Variants in MLLT1 observed in about 807,000 individuals in gnomAD.
MLLT1 encodes the protein MLLT1 super elongation complex subunit, also known as protein ENL.
A neutral mutation model predicts 55.1 loss-of-function variants in MLLT1; 11 were observed. The observed-to-expected ratio is 0.20, with a 90% CI of 0.13 to 0.33. MLLT1 has a LOEUF of 0.33. Among genes scored for constraint, MLLT1 ranks in the 10% least tolerant of loss-of-function variants. The pLI, the probability that MLLT1 is intolerant of heterozygous loss-of-function variation, is 1.00. For synonymous variants in MLLT1, 323 were observed against 320.1 expected, an observed-to-expected ratio of 1.01 and a Z score of -0.10; for missense variants, 536 against 760.6, an observed-to-expected ratio of 0.70 and a Z score of 3.47.
At position 6,256,101 on chromosome 19, in the gene MLLT1, C is replaced by T. The variant is rs2091254804; in HGVS notation, c.276+6127G>A. On this transcript the variant is annotated intron_variant, in intron 3 of 11. Transcript: ENST00000252674. This position sits in a 1 kb window ranked among gnomAD's most constrained non-coding sequence, Gnocchi z 4.1. ...ACACGGTGGCAGGCACCTGTAATCCCAGCTATTCAGGAGGCTGAGGCAGGA... is the reference window on the plus strand; with the variant it reads ...ACACGGTGGCAGGCACCTGTAATCCTAGCTATTCAGGAGGCTGAGGCAGGA... Among the ~76,000 whole-genome samples, 1 of 152,100 alleles carries T rather than the reference C, an allele frequency of 6.6e-6. No individual in the cohort carries two copies. Among genetic ancestry groups the T allele is most frequent in the Admixed American group, 6.6e-5 (1 of 15,266 alleles).
Position 6,229,607 on chromosome 19 carries a change from G to C in MLLT1, c.420+963C>G, listed in dbSNP as rs2090987678. Among the ~76,000 whole-genome samples, 1 of 151,324 alleles carries C rather than the reference G, an allele frequency of 6.6e-6. No homozygotes were observed. Among genetic ancestry groups the C allele is most frequent in the African/African-American group, 2.4e-5 (1 of 41,072 alleles). ...GACACACCACACACTTCCCGCAAGT[G>C]ACACGACACACACGCCATGCACACA... On this transcript the variant is annotated intron_variant, in intron 4 of 11. Coordinates refer to ENST00000252674, the MANE Select transcript of MLLT1 (RefSeq NM_005934.4). This position sits in a 1 kb window ranked among gnomAD's most constrained non-coding sequence, Gnocchi z 5.2.
At chr19:6,225,778 G>A (rs2090951273) in intron 5 of MLLT1, among the ~76,000 whole-genome samples, 2 of 152,196 alleles carry the variant, frequency 1.3e-5, no homozygotes, top group Admixed American at 1.3e-4. Context: ...CCAGCCCCAG[G>A]GAGGGCACCT....
intron 3 of MLLT1, among the ~76,000 whole-genome samples, chr19:6,238,546 G>A (rs533533251): frequency 5.9e-5 from 9 of 152,316 alleles, no homozygotes; most frequent in South Asian, 2.1e-4. Context: ...TGCTTTTTAC[G>A]TCATCTATAT....
intron 3 of MLLT1, among the ~76,000 whole-genome samples, chr19:6,261,663 A>G (rs2091307013): frequency 6.6e-6 from 1 of 151,958 alleles, no homozygotes; most frequent in Admixed American, 6.6e-5. Flanking sequence ...AAAAAAGTGA[A>G]AAACTACAGA....
chr19:6,249,655 T>C (rs192205650), intron 3 of MLLT1, among the ~76,000 whole-genome samples: 1 of 152,146 alleles, frequency 6.6e-6, no homozygotes, highest in East Asian at 1.9e-4. Context: ...CTCAGGGAAG[T>C]TCCCATCACA....
rs532296125 is a variant in MLLT1, at chr19:6,212,062, A to G, written c.*980T>C. 2.6e-5 allele frequency: 28 copies of G among 1,065,942 alleles called. No individual in the cohort carries two copies. The highest frequency in any genetic ancestry group is 8.2e-5 in the African/African-American group (5 of 61,064). 66.0% of individuals were successfully genotyped at this position (1,065,942 alleles called of 1,614,324 possible). ...ATCCCGTCTTATTTGGCAAAAGCTC[A>G]TATTTTTTTCAAAGTTTGAAGACTT... On this transcript the variant is annotated 3_prime_UTR_variant, in exon 12 of 12. Transcript: ENST00000252674.
chr19:6,234,235 C>T (rs2091039116), intron 3 of MLLT1, among the ~76,000 whole-genome samples: 1 of 152,232 alleles, frequency 6.6e-6, no homozygotes, highest in Non-Finnish European at 1.5e-5. Flanking sequence ...CGGGCTCCAG[C>T]ACAGCTGTGG....
In MLLT1 at chr19:6,212,148, A is replaced by T; in HGVS notation, c.*894T>A. The T allele has an allele frequency of 2.8e-6, 3 of 1,066,162 alleles. No homozygotes were observed. Among genetic ancestry groups the T allele is most frequent in the Non-Finnish European group, 2.3e-6 (2 of 879,558 alleles). The allele number at this position is 1,066,162 out of a possible 1,614,324, so 66.0% of individuals were successfully genotyped here. On this transcript the variant is annotated 3_prime_UTR_variant, in exon 12 of 12. Transcript: ENST00000252674. ...GCCGAGCCCCAGGGCGGCTGATGCG[A>T]GTCTGTCCGCGGAGACTGTTGGCGC...
chr19:6,255,910 T>G (rs920831323), intron 3 of MLLT1, among the ~76,000 whole-genome samples: 6 of 152,194 alleles, frequency 3.9e-5, no homozygotes, highest in African/African-American at 1.2e-4. Flanking sequence ...AAGGATCGCT[T>G]AAGGCCAGGA....
rs1303833752 is a variant in MLLT1, at chr19:6,271,836, G to A, written c.13-1077C>T. ...CTCCCCTGACAGAGCCGCCCTCCCG[G>A]GCCCCAGACCAGACAGCTCCCATCT... is the stretch of plus-strand genomic sequence containing the variant. On this transcript the variant is annotated intron_variant, in intron 1 of 11. Transcript: ENST00000252674. Among the ~76,000 whole-genome samples, 3 of 152,216 alleles carry A rather than the reference G, an allele frequency of 2.0e-5. No individual in the cohort carries two copies. In the East Asian group the frequency reaches 5.8e-4, roughly 29 times the overall value.
At position 6,213,040 on chromosome 19, in the gene MLLT1, G is replaced by A; in HGVS notation, c.*2C>T. The A allele has an allele frequency of 1.2e-6, 2 of 1,613,380 alleles. No homozygotes were observed. Among genetic ancestry groups the A allele is most frequent in the Non-Finnish European group, 1.7e-6 (2 of 1,179,594 alleles). ...GGTGGGGGCCCGGCACGCGGCCCAG[G>A]GTCATGTGGCCACGGCCTCCAGGCA... On this transcript the variant is annotated 3_prime_UTR_variant, in exon 12 of 12. Transcript: ENST00000252674.
Position 6,273,497 on chromosome 19 carries a change from G to T in MLLT1, c.13-2738C>A, listed in dbSNP as rs992580084. Among the ~76,000 whole-genome samples the T allele has an allele frequency of 3.3e-5, 5 of 152,168 alleles. No individual in the cohort carries two copies. The highest frequency in any genetic ancestry group is 1.3e-4 in the Admixed American group (2 of 15,290). On this transcript the variant is annotated intron_variant, in intron 1 of 11. Transcript: ENST00000252674. This position sits in a 1 kb window ranked among gnomAD's most constrained non-coding sequence, Gnocchi z 4.3. The stretch of plus-strand genomic sequence containing the variant: ...CCACCAAACACACGAGGTGAGGGCT[G>T]AGCACCGGCATGGCAATACTCAGGC...
chr19:6,217,199 C>G (rs1191749265), intron 7 of MLLT1, among the ~76,000 whole-genome samples: 1 of 152,146 alleles, frequency 6.6e-6, no homozygotes, highest in Non-Finnish European at 1.5e-5. Flanking sequence ...CCAGCCCCCT[C>G]GGCAACTGCA....
chr19:6,274,001 G>A (rs1157849550), intron 1 of MLLT1, among the ~76,000 whole-genome samples: 1 of 152,248 alleles, frequency 6.6e-6, no homozygotes, highest in African/African-American at 2.4e-5. Context: ...CCGAGGCAGC[G>A]ATGGGTAATC....
chr19:6,212,430 C>T lies in MLLT1; in HGVS notation c.*612G>A. On this transcript the variant is annotated 3_prime_UTR_variant, in exon 12 of 12. Transcript: ENST00000252674. ...ACGCACCCCCCACCCACCCCACGTG[C>T]ACTGCTGCCACAGAAACGCACATGG... The T allele has an allele frequency of 9.4e-7, 1 of 1,066,374 alleles. No homozygotes were observed. Among genetic ancestry groups the T allele is most frequent in the Non-Finnish European group, 1.1e-6 (1 of 879,978 alleles). The allele number at this position is 1,066,374 out of a possible 1,614,324, so 66.1% of individuals were successfully genotyped here.
chr19:6,232,460 G>A (rs1382080817), intron 3 of MLLT1, among the ~76,000 whole-genome samples: 1 of 152,196 alleles, frequency 6.6e-6, no homozygotes, highest in Admixed American at 6.5e-5. Flanking sequence ...AGACCTGGAC[G>A]TAAGCACTAA....
chr19:6,211,729 G>T lies in MLLT1; in HGVS notation c.*1313C>A. 9.4e-7 allele frequency: 1 copy of T among 1,064,616 alleles called. No homozygotes were observed. The highest frequency in any genetic ancestry group is 1.6e-5 in the African/African-American group (1 of 61,136). 65.9% of individuals were successfully genotyped at this position (1,064,616 alleles called of 1,614,324 possible). A position where few individuals can be genotyped will look rare whatever the true frequency, so the allele number is the denominator to read the frequency against. On this transcript the variant is annotated 3_prime_UTR_variant, in exon 12 of 12. Coordinates refer to ENST00000252674, the MANE Select transcript of MLLT1 (RefSeq NM_005934.4). The surrounding 1 kb of genome is among the most constrained non-coding windows in gnomAD (Gnocchi z 4.6). ...CTGGGAAACAGAGGCTAACCAGGCA[G>T]GCCTCCAGCCCCTGGGACCCCCAGC...
At chr19:6,234,675 G>A (rs535069231) in intron 3 of MLLT1, among the ~76,000 whole-genome samples, 2 of 152,218 alleles carry the variant, frequency 1.3e-5, no homozygotes, top group South Asian at 4.2e-4. Flanking sequence ...ACGGACACAC[G>A]AGTCAGAGGG....
At position 6,215,053 on chromosome 19, in the gene MLLT1, G is replaced by A. The variant is rs542312280; in HGVS notation, c.1308-1015C>T. The stretch of plus-strand genomic sequence containing the variant: ...CTGTGCTCCTGCCGGCCTCTGCCCC[G>A]CATCCCACAGGTGACTGGGATGACG... On this transcript the variant is annotated intron_variant, in intron 8 of 11. Coordinates refer to ENST00000252674, the MANE Select transcript of MLLT1 (RefSeq NM_005934.4). 5.3e-5 allele frequency among the ~76,000 whole-genome samples: 8 copies of A among 152,276 alleles called. No individual in the cohort carries two copies. The East Asian group carries it at 9.7e-4, about 18-fold the overall frequency.
Sources: gnomAD v4.1 joint callset for allele counts (sites outside exome capture counted in the v4.1 genomes callset) on GRCh38, gnomAD v4.1.1 for gene constraint, Gnocchi (gnomAD v3.1) non-coding constraint, MANE v1.5 for transcripts, NCBI Gene and HGNC (gene_info 2026-07-23, HGNC 2026-07-21) for gene names.